Variants in PPP6R1 observed in about 807,000 individuals in gnomAD.
PPP6R1 encodes protein phosphatase 6 regulatory subunit 1.
Under a neutral mutation model 104.6 loss-of-function variants are expected in PPP6R1, and 39 were observed. The observed-to-expected ratio is 0.37, with a 90% CI of 0.29 to 0.49. The LOEUF (loss-of-function observed/expected upper bound fraction) is 0.49, where lower values mean the gene tolerates loss of function less well. Ranked by LOEUF, PPP6R1 falls within the 20% of genes least tolerant of loss-of-function variation. The pLI is 0.98. For synonymous variants in PPP6R1, 549 were observed against 479.0 expected, an observed-to-expected ratio of 1.15 and a Z score of -1.91; for missense variants, 1,181 against 1,155.8, an observed-to-expected ratio of 1.02 and a Z score of -0.32.
At chr19:55,242,126 G>T in intron 7 of PPP6R1, 40 bp downstream of exon 7, 1 of 1,570,704 alleles carries the variant, frequency 6.4e-7, no homozygotes, top group African/African-American at 1.3e-5. Flanking sequence ...GAGCCCCTGG[G>T]GATGGGCAGC....
intron 15 of PPP6R1, chr19:55,238,929 G>A (rs62126343): frequency 1.2e-5 from 2 of 163,988 alleles, no homozygotes; most frequent in Non-Finnish European, 2.7e-5. Flanking sequence ...ATTGGTAATT[G>A]GAAAAAAAAA....
At chr19:55,231,166 A>G (rs963826762) in intron 21 of PPP6R1, among the ~76,000 whole-genome samples, 3 of 151,924 alleles carry the variant, frequency 2.0e-5, no homozygotes, top group African/African-American at 7.3e-5. Context: ...CACCCTCCCA[A>G]TCCTTCACAC....
chr19:55,245,396 A>G lies in PPP6R1; in HGVS notation c.421T>C (p.Ser141Pro), dbSNP rs944813201. The G allele has an allele frequency of 6.2e-7, 1 of 1,613,562 alleles. No individual in the cohort carries two copies. Among genetic ancestry groups the G allele is most frequent in the Non-Finnish European group, 8.5e-7 (1 of 1,179,772 alleles). The change falls in exon 4 of 24, where the codon TCC becomes CCC. Residue 141 changes from serine (S) to proline (P), a missense_variant. Around this residue, in one of 2 missense-constraint regions of PPP6R1, gnomAD observed 139 missense variants for 200.1 expected, o/e 0.69. Coordinates refer to ENST00000412770, the MANE Select transcript of PPP6R1 (RefSeq NM_014931.4). The surrounding 1 kb of genome is among the most constrained non-coding windows in gnomAD (Gnocchi z 6.4). ...LINRKTDQLV[S>P]FLRKKDDFVD... ...AAGTCATCCTTCTTCCGAAGAAAGGACACGAGCTGGGGGCACACGGGCTGC... is the reference window on the plus strand; with the variant it reads ...AAGTCATCCTTCTTCCGAAGAAAGGGCACGAGCTGGGGGCACACGGGCTGC...
At position 55,236,700 on chromosome 19, in the gene PPP6R1, G is replaced by A; in HGVS notation, c.1931C>T (p.Ala644Val). ...CCTGGCCAGCTGGCTGCCCTGCCAG[G>A]CGCCATCTTCTCCATCAGACTCCCC... Reference protein sequence around the residue: ...GSGESDGEDGAWQGSQLARGA... With the variant: ...GSGESDGEDGVWQGSQLARGA... Residue 644 changes from alanine (A) to valine (V), a missense_variant, in exon 17 of 24, where the codon GCC (alanine) becomes GTC (valine). Physicochemically the swap from Ala to Val is moderately conservative, Grantham distance 64 (BLOSUM62 0). This residue lies in a region of PPP6R1 where 1,042 missense variants were observed against 955.6 expected (regional missense o/e 1.09). Coordinates refer to ENST00000412770, the MANE Select transcript of PPP6R1 (RefSeq NM_014931.4). The A allele has an allele frequency of 6.2e-7, 1 of 1,611,520 alleles. No homozygotes were observed. Among genetic ancestry groups the A allele is most frequent in the Non-Finnish European group, 8.5e-7 (1 of 1,178,808 alleles).
In PPP6R1 at chr19:55,240,244, G is replaced by A. The variant is rs1419579090; in HGVS notation, c.1353C>T (p.Asp451=). 1.9e-6 allele frequency: 3 copies of A among 1,591,466 alleles called. No homozygotes were observed. In the African/African-American group the frequency reaches 4.0e-5, roughly 21 times the overall value. The change falls in exon 11 of 24, where the codon GAC becomes GAT. Residue 451 remains aspartate (D), a synonymous_variant. Coordinates refer to ENST00000412770, the MANE Select transcript of PPP6R1 (RefSeq NM_014931.4). Reference sequence around the variant, plus strand: ...GGGCAGCAGGTGCTCACTGTACACGGTCGTTCTCCTCCCAGGACGTCAGGA... The same window carrying A: ...GGGCAGCAGGTGCTCACTGTACACGATCGTTCTCCTCCCAGGACGTCAGGA... ...ERILTSWEEN[D]RVQCAGGPRK...
rs1409981854 is a variant in PPP6R1 at position 55,240,312 on chromosome 19, C to T, written c.1297-12G>A. On this transcript the variant is annotated splice_polypyrimidine_tract_variant and intron_variant, in intron 10 of 23. Transcript: ENST00000412770. ...CACTGCTGCAGCAGCTGCGGGAGAG[C>T]GGGACAGGATGGCCTGGAGGGGTGG... 1.4e-5 allele frequency: 22 copies of T among 1,583,590 alleles called. No homozygotes were observed. Among genetic ancestry groups the T allele is most frequent in the Admixed American group, 1.3e-4 (7 of 55,748 alleles).
chr19:55,240,518 C>T (rs1438647224), intron 10 of PPP6R1, among the ~76,000 whole-genome samples: 3 of 115,348 alleles, frequency 2.6e-5, no homozygotes, highest in African/African-American at 1.8e-4. Context: ...GGTGCATACA[C>T]ACACACACAC....
chr19:55,244,310 C>T (rs1442190507), intron 5 of PPP6R1, among the ~76,000 whole-genome samples: 1 of 152,242 alleles, frequency 6.6e-6, no homozygotes, highest in African/African-American at 2.4e-5. Flanking sequence ...TTGACAAACA[C>T]CCACTCTACA....
At chr19:55,233,640 T>C (rs543324978) in intron 17 of PPP6R1, among the ~76,000 whole-genome samples, 2 of 152,328 alleles carry the variant, frequency 1.3e-5, no homozygotes, top group East Asian at 3.9e-4. Context: ...TGTATTTTCA[T>C]ATACTTGTAA....
At chr19:55,230,724 GC>G in intron 22 of PPP6R1, 40 bp from the exon 23 acceptor site, 1 of 1,501,716 alleles carries the variant, frequency 6.7e-7, no homozygotes, top group Non-Finnish European at 8.9e-7. Context: ...GTCACTTCCT[GC>G]CCCACCAGCC....
intron 1 of PPP6R1, among the ~76,000 whole-genome samples, chr19:55,252,184 C>T (rs914094478): frequency 6.6e-6 from 1 of 152,170 alleles, no homozygotes; most frequent in Admixed American, 6.5e-5. Flanking sequence ...GGTGATGTTT[C>T]CACAACGTTG....
chr19:55,240,204 C>T, intron 11 of PPP6R1, 32 bp downstream of exon 11: 1 of 1,573,754 alleles, frequency 6.4e-7, no homozygotes, highest in South Asian at 1.2e-5. Flanking sequence ...CAGCCCCAGC[C>T]CCTGGAGACA....
intron 7 of PPP6R1, 128 bp downstream of exon 7, chr19:55,242,038 A>ACTGTG: frequency 1.2e-6 from 1 of 843,498 alleles, no homozygotes; most frequent in Non-Finnish European, 1.9e-6. Flanking sequence ...TGCAGGGAGC[A>ACTGTG]CAGGCAGCCA....
chr19:55,238,010 A>G (rs1008319398), intron 15 of PPP6R1, among the ~76,000 whole-genome samples: 1 of 152,146 alleles, frequency 6.6e-6, no homozygotes, highest in Non-Finnish European at 1.5e-5. Context: ...GGTGACCCCA[A>G]TGCCATCTAC....
In PPP6R1 at chr19:55,231,608, C is replaced by T. The variant is rs377258909; in HGVS notation, c.2367G>A (p.Thr789=). 116 of 1,611,076 alleles carry T rather than the reference C, an allele frequency of 7.2e-5. No homozygotes were observed. The highest frequency in any genetic ancestry group is 2.9e-4 in the Admixed American group (17 of 59,614). Residue 789 remains threonine (T), a synonymous_variant, in exon 20 of 24, where the codon ACG becomes ACA. Coordinates refer to ENST00000412770, the MANE Select transcript of PPP6R1 (RefSeq NM_014931.4). ...PQEATEGSKV[T]EPSAPCQALV... ...CAAAGCGGGGCTCACCTGAGGGCTC[C>T]GTGACTTTGCTGCCTTCTGTGGCTT...
In PPP6R1 at chr19:55,239,398, C is replaced by G. The variant is rs1436486108; in HGVS notation, c.1751+7G>C. On this transcript the variant is annotated splice_region_variant and intron_variant, in intron 15 of 23. Transcript: ENST00000412770. Reference sequence around the variant, plus strand: ...CAGGGCTGTGACCCTGCGCAGGAGACACTCACTTCACACTCTCCTCCTGCT... The same window carrying G: ...CAGGGCTGTGACCCTGCGCAGGAGAGACTCACTTCACACTCTCCTCCTGCT... 1 of 1,610,932 alleles carries G rather than the reference C, an allele frequency of 6.2e-7. No homozygotes were observed. Among genetic ancestry groups the G allele is most frequent in the Non-Finnish European group, 8.5e-7 (1 of 1,177,344 alleles).
At chr19:55,240,580 CAT>C (rs879582833) in intron 10 of PPP6R1, among the ~76,000 whole-genome samples, 9 of 152,096 alleles carry the variant, frequency 5.9e-5, no homozygotes, top group Admixed American at 5.2e-4. Context: ...CGGACACACA[CAT>C]GCTCACACAT....
intron 1 of PPP6R1, among the ~76,000 whole-genome samples, chr19:55,252,526 C>T (rs971966656): frequency 6.6e-6 from 1 of 151,902 alleles, no homozygotes. Context: ...AGCCTGAGTA[C>T]CTGGGATTAC....
downstream of PPP6R1, chr19:55,229,175 C>T: frequency 5.5e-6 from 1 of 183,242 alleles, no homozygotes; most frequent in South Asian, 1.2e-4. Flanking sequence ...CCGTCTCCCT[C>T]CCTGCTCCAT....
Sources: gnomAD v4.1 joint callset for allele counts (sites outside exome capture counted in the v4.1 genomes callset) on GRCh38, gnomAD v4.1.1 for gene constraint, gnomAD v4.1.1 regional missense constraint, Gnocchi (gnomAD v3.1) non-coding constraint, MANE v1.5 for transcripts, NCBI Gene and HGNC (gene_info 2026-07-23, HGNC 2026-07-21) for gene names.